The following CRPPA variants were observed in gnomAD, a reference collection of about 807,000 sequenced individuals.
The protein encoded by CRPPA is CDP-L-ribitol pyrophosphorylase A, also known as D-ribitol-5-phosphate cytidylyltransferase.
CRPPA carries 43 observed loss-of-function variants against 52.0 expected under a neutral mutation model. The observed-to-expected ratio is 0.83, with a 90% confidence interval of 0.65 to 1.07. CRPPA has a LOEUF of 1.07. Ranked by LOEUF, CRPPA falls within the 50% of genes least tolerant of loss-of-function variation. The pLI is 0.00. For synonymous variants in CRPPA, 250 were observed against 203.5 expected (o/e 1.23, Z -1.94); for missense variants, 629 against 551.7 (o/e 1.14, Z -1.40).
intron 9 of CRPPA, among the ~76,000 whole-genome samples, chr7:16,144,465 G>A (rs1315428680): frequency 6.6e-6 from 1 of 152,218 alleles, no homozygotes; most frequent in Non-Finnish European, 1.5e-5. Flanking sequence ...AGGGAAAGAT[G>A]CAAGCCTTCT....
intron 8 of CRPPA, among the ~76,000 whole-genome samples, chr7:16,226,556 G>A (rs1205704535): frequency 6.6e-5 from 10 of 151,756 alleles, no homozygotes; most frequent in Admixed American, 6.6e-4. Flanking sequence ...GCCATATACT[G>A]TTACATTTAA....
chr7:16,407,879 G>A (rs13247113), intron 1 of CRPPA, among the ~76,000 whole-genome samples: 1 of 152,088 alleles, frequency 6.6e-6, no homozygotes, highest in African/African-American at 2.4e-5. Flanking sequence ...GGCTGAGGCA[G>A]GTGGATCACT....
intron 1 of CRPPA, among the ~76,000 whole-genome samples, chr7:16,417,879 T>C (rs932789605): frequency 2.0e-5 from 3 of 152,196 alleles, no homozygotes; most frequent in African/African-American, 2.4e-5. Context: ...ACCTAAATGA[T>C]TGACAGTGGT....
chr7:16,116,716 G>GAAAC (rs796195226), intron 9 of CRPPA, among the ~76,000 whole-genome samples: 4 of 92,184 alleles, frequency 4.3e-5, no homozygotes, highest in East Asian at 3.4e-4. Flanking sequence ...GAGAGAGAGA[G>GAAAC]AAACAAACAA....
At chr7:16,203,904 A>G (rs1056709746) in intron 9 of CRPPA, among the ~76,000 whole-genome samples, 2 of 152,210 alleles carry the variant, frequency 1.3e-5, no homozygotes, top group African/African-American at 4.8e-5. Flanking sequence ...GAAGCAAAAT[A>G]CTGGAATCCA....
intron 1 of CRPPA, among the ~76,000 whole-genome samples, chr7:16,414,256 G>C (rs562165104): frequency 6.6e-6 from 1 of 152,002 alleles, no homozygotes; most frequent in Non-Finnish European, 1.5e-5. Flanking sequence ...GTCTGAATAA[G>C]CATGGCCGAA....
At chr7:16,365,149 C>G (rs148618339) in intron 3 of CRPPA, among the ~76,000 whole-genome samples, 343 of 152,268 alleles carry the variant, frequency 2.3e-3, no homozygotes, top group African/African-American at 7.7e-3. Context: ...ATAGCTTCCT[C>G]TGGAGACAGA....
intron 6 of CRPPA, among the ~76,000 whole-genome samples, chr7:16,264,703 T>C (rs1783906734): frequency 1.3e-5 from 2 of 152,232 alleles, no homozygotes; most frequent in African/African-American, 4.8e-5. Context: ...ATTCAAACAA[T>C]GGCACAAGTG....
intron 2 of CRPPA, among the ~76,000 whole-genome samples, chr7:16,395,730 A>G (rs1049211889): frequency 5.9e-5 from 9 of 152,206 alleles, no homozygotes; most frequent in African/African-American, 1.7e-4. Context: ...TTTCAATAGT[A>G]CCATTTACCC....
chr7:16,389,858 T>C (rs1480674254), intron 2 of CRPPA, among the ~76,000 whole-genome samples: 3 of 139,758 alleles, frequency 2.1e-5, no homozygotes, highest in Non-Finnish European at 4.5e-5. Flanking sequence ...AAGTGTCTTC[T>C]AACTATTAGA....
intron 9 of CRPPA, among the ~76,000 whole-genome samples, chr7:16,199,531 C>A (rs924922597): frequency 6.6e-6 from 1 of 152,100 alleles, no homozygotes; most frequent in East Asian, 1.9e-4. Context: ...ACTAACTCTG[C>A]GGGATGAGCC....
Position 16,258,492 on chromosome 7 carries a change from C to A in CRPPA, c.1027-10G>T. 1 of 1,553,756 alleles carries A rather than the reference C, an allele frequency of 6.4e-7. No homozygotes were observed. The highest frequency in any genetic ancestry group is 8.8e-7 in the Non-Finnish European group (1 of 1,140,312). The stretch of plus-strand genomic sequence containing the variant: ...AATCAGAGGTTGTAACCTAAAAGAC[C>A]AGAAAAATAAAAGGATATGAGAAGA... On this transcript the variant is annotated splice_polypyrimidine_tract_variant and intron_variant, in intron 7 of 9. Transcript: ENST00000407010.
intron 9 of CRPPA, among the ~76,000 whole-genome samples, chr7:16,136,835 T>G (rs982645216): frequency 6.6e-6 from 1 of 152,220 alleles, no homozygotes; most frequent in East Asian, 1.9e-4. Flanking sequence ...AAAAATGAGA[T>G]ATGTATCTTT....
At chr7:16,325,267 G>A (rs1009338234) in intron 3 of CRPPA, among the ~76,000 whole-genome samples, 3 of 152,156 alleles carry the variant, frequency 2.0e-5, no homozygotes, top group African/African-American at 4.8e-5. Context: ...GCTGGAGAAC[G>A]ATGGAAACTA....
intron 3 of CRPPA, among the ~76,000 whole-genome samples, chr7:16,314,770 T>C (rs1785107954): frequency 1.3e-5 from 2 of 152,134 alleles, no homozygotes; most frequent in Non-Finnish European, 2.9e-5. Context: ...AGAAGTGAGA[T>C]GTAATTCTAT....
chr7:16,309,371 G>T (rs1429620370), intron 3 of CRPPA, among the ~76,000 whole-genome samples: 2 of 152,016 alleles, frequency 1.3e-5, no homozygotes, highest in Non-Finnish European at 1.5e-5. Context: ...TAGAAGGGGA[G>T]GCTGGCATCT....
intron 6 of CRPPA, among the ~76,000 whole-genome samples, chr7:16,262,388 G>C (rs1046724121): frequency 8.6e-5 from 13 of 151,984 alleles, no homozygotes; most frequent in Non-Finnish European, 2.9e-5. Context: ...CTTTAATAGC[G>C]CTGCTTTCAT....
chr7:16,421,170 C>G lies in CRPPA; in HGVS notation c.153G>C (p.Leu51Phe). The G allele has an allele frequency of 7.5e-7, 1 of 1,339,830 alleles. No individual in the cohort carries two copies. Among genetic ancestry groups the G allele is most frequent in the Non-Finnish European group, 9.6e-7 (1 of 1,040,196 alleles). 83.0% of individuals were successfully genotyped at this position (1,339,830 alleles called of 1,614,324 possible). The part of the protein sequence containing the change: ...GRHPQAVAAV[L>F]PAGGCGERMG... ...TCCTCTCCCCGCACCCCCCGGCAGG[C>G]AACACAGCTGCCACGGCTTGCGGGT... The change falls in exon 1 of 10, where the codon TTG becomes TTC. Residue 51 changes from leucine to phenylalanine, a missense_variant. By Grantham distance (22) the Leu-to-Phe change is conservative. Transcript: ENST00000407010.
chr7:16,259,787 T>C (rs1783747316), intron 6 of CRPPA, among the ~76,000 whole-genome samples: 1 of 152,006 alleles, frequency 6.6e-6, no homozygotes, highest in Non-Finnish European at 1.5e-5. Context: ...TAGAATGCTT[T>C]ACATTTCATA....
Sources: allele counts gnomAD v4.1 joint callset (sites outside exome capture counted in the v4.1 genomes callset), GRCh38; gene constraint gnomAD v4.1.1; transcripts MANE v1.5; gene names NCBI Gene and HGNC (gene_info 2026-07-23, HGNC 2026-07-21).